Variants in ASAP1 observed in about 807,000 individuals in gnomAD.
ASAP1 encodes arf-GAP with SH3 domain, ANK repeat and PH domain-containing protein 1.
Under a neutral mutation model 145.2 loss-of-function variants are expected in ASAP1, and 43 were observed. The ratio of observed to expected loss-of-function variants is 0.30; its 90% CI spans 0.23 to 0.38. The LOEUF is 0.38. Ranked by LOEUF, ASAP1 falls within the 10% of genes least tolerant of loss-of-function variation. The pLI, the probability that ASAP1 is intolerant of heterozygous loss-of-function variation, is 1.00. For missense variants in ASAP1, 1,018 were observed against 1,355.3 expected, an observed-to-expected ratio of 0.75 and a Z score of 3.91; for synonymous variants, 546 against 515.5, an observed-to-expected ratio of 1.06 and a Z score of -0.80.
At chr8:130,353,631 A>C (rs1475987075) in intron 3 of ASAP1, among the ~76,000 whole-genome samples, 1 of 152,204 alleles carries the variant, frequency 6.6e-6, no homozygotes, top group African/African-American at 2.4e-5. Flanking sequence ...GCACTTTGGA[A>C]GGCTAAGGCA....
chr8:130,216,803 A>G (rs1318359631), intron 4 of ASAP1, among the ~76,000 whole-genome samples: 3 of 152,182 alleles, frequency 2.0e-5, no homozygotes, highest in Admixed American at 2.0e-4. Context: ...GAATCTTAAC[A>G]TGTCTAAAAC....
In ASAP1 at chr8:130,436,612, T is replaced by C. The variant is rs571380924; in HGVS notation, c.-28+6848A>G. Among the ~76,000 whole-genome samples the C allele has an allele frequency of 2.0e-5, 3 of 152,274 alleles. No individual in the cohort carries two copies. The South Asian group carries it at 6.2e-4, about 32-fold the overall frequency. ...ATGCATGAGCCAGTGCACCTGGCCA[T>C]TGAAGCCAGAAGTTTGAGACCATCC... On this transcript the variant is annotated intron_variant, in intron 1 of 29. Transcript: ENST00000518721.
chr8:130,320,767 A>G (rs1467469944), intron 3 of ASAP1, among the ~76,000 whole-genome samples: 1 of 152,170 alleles, frequency 6.6e-6, no homozygotes, highest in Non-Finnish European at 1.5e-5. Context: ...CCTTTCTAAC[A>G]GGCTACTCTG....
intron 3 of ASAP1, among the ~76,000 whole-genome samples, chr8:130,314,230 A>T (rs183131222): frequency 6.6e-6 from 1 of 152,312 alleles, no homozygotes; most frequent in Admixed American, 6.5e-5. Context: ...ATACTGTGAC[A>T]TCCCTGACTT....
At chr8:130,252,187 T>C (rs895313286) in intron 3 of ASAP1, among the ~76,000 whole-genome samples, 25 of 152,286 alleles carry the variant, frequency 1.6e-4, no homozygotes, top group African/African-American at 5.5e-4. Context: ...CAAATTAGAA[T>C]GGACAAAGGT....
At chr8:130,231,951 T>C (rs548904341) in intron 4 of ASAP1, among the ~76,000 whole-genome samples, 1 of 152,320 alleles carries the variant, frequency 6.6e-6, no homozygotes, top group East Asian at 1.9e-4. Context: ...AAGATCAAGA[T>C]GTCTGCCAGG....
intron 3 of ASAP1, 121 bp downstream of exon 3, chr8:130,357,896 C>G: frequency 7.3e-7 from 1 of 1,376,176 alleles, no homozygotes; most frequent in Non-Finnish European, 9.8e-7. Flanking sequence ...CCCGGCGGCT[C>G]CCTGAGGGGG....
At chr8:130,285,248 T>G (rs1821534826) in intron 3 of ASAP1, among the ~76,000 whole-genome samples, 1 of 152,112 alleles carries the variant, frequency 6.6e-6, no homozygotes, top group South Asian at 2.1e-4. Flanking sequence ...TAGTTGACCT[T>G]CCTTGCAGAA....
chr8:130,108,426 TTC>T (rs1459329690), intron 24 of ASAP1, among the ~76,000 whole-genome samples: 1 of 152,258 alleles, frequency 6.6e-6, no homozygotes, highest in Non-Finnish European at 1.5e-5. Context: ...GGAATTATCA[TTC>T]TTTTACTTAA....
chr8:130,373,105 T>TAC (rs200531646), intron 2 of ASAP1, among the ~76,000 whole-genome samples: 589 of 18,434 alleles, frequency 0.032, 3 homozygotes, highest in Admixed American at 0.044. Flanking sequence ...CACACAGAAA[T>TAC]ACATATACAC....
intron 3 of ASAP1, among the ~76,000 whole-genome samples, chr8:130,281,357 A>G (rs1236044883): frequency 1.3e-5 from 2 of 152,160 alleles, no homozygotes; most frequent in East Asian, 3.9e-4. Flanking sequence ...CAATGACATC[A>G]TTTCTTGATT....
At chr8:130,186,705 T>A (rs188369541) in intron 7 of ASAP1, among the ~76,000 whole-genome samples, 10 of 152,300 alleles carry the variant, frequency 6.6e-5, no homozygotes, top group Non-Finnish European at 1.2e-4. Context: ...TAACTAGCTT[T>A]CTAGCCTTTC....
chr8:130,065,869 G>A (rs2097429646), intron 27 of ASAP1, among the ~76,000 whole-genome samples: 1 of 152,126 alleles, frequency 6.6e-6, no homozygotes, highest in African/African-American at 2.4e-5. Flanking sequence ...TTGGTCTACC[G>A]CTATTGGACC....
chr8:130,181,426 G>A (rs1247840130), intron 7 of ASAP1, among the ~76,000 whole-genome samples: 1 of 152,164 alleles, frequency 6.6e-6, no homozygotes, highest in African/African-American at 2.4e-5. Context: ...GGAGACATGA[G>A]GCTTTCCTTG....
chr8:130,160,723 G>A, intron 11 of ASAP1: 1 of 1,101,456 alleles, frequency 9.1e-7, no homozygotes, highest in South Asian at 1.4e-5. Context: ...ACTGCAGAAC[G>A]AGAACATGGT....
At chr8:130,184,243 C>T (rs1332323200) in intron 7 of ASAP1, among the ~76,000 whole-genome samples, 1 of 152,152 alleles carries the variant, frequency 6.6e-6, no homozygotes, top group Non-Finnish European at 1.5e-5. Context: ...CTATTAACCA[C>T]AATGGATGAA....
intron 3 of ASAP1, among the ~76,000 whole-genome samples, chr8:130,336,371 A>C (rs147002483): frequency 1.3e-5 from 2 of 152,346 alleles, no homozygotes; most frequent in Non-Finnish European, 2.9e-5. Context: ...AATTGAAAAG[A>C]AATGCAGATT....
chr8:130,307,590 T>C (rs368465046), intron 3 of ASAP1, among the ~76,000 whole-genome samples: 66 of 152,324 alleles, frequency 4.3e-4, no homozygotes, highest in African/African-American at 1.4e-3. Context: ...GGTAACCACC[T>C]TTCTATGAGA....
chr8:130,359,863 TCCA>T (rs1219116514), intron 2 of ASAP1, among the ~76,000 whole-genome samples: 1 of 151,514 alleles, frequency 6.6e-6, no homozygotes, highest in Non-Finnish European at 1.5e-5. Context: ...GACCTCATGA[TCCA>T]CCCGCCTCGG....
Sources: allele counts gnomAD v4.1 joint callset (sites outside exome capture counted in the v4.1 genomes callset), GRCh38; gene constraint gnomAD v4.1.1; transcripts MANE v1.5; gene names NCBI Gene and HGNC (gene_info 2026-07-23, HGNC 2026-07-21).